The following KIF13B variants were observed in gnomAD, a reference collection of about 807,000 sequenced individuals.
KIF13B encodes the protein kinesin family member 13B.
In KIF13B, 127 loss-of-function variants were observed where a neutral mutation model predicts 222.0. The ratio of observed to expected loss-of-function variants is 0.57; its 90% CI spans 0.50 to 0.66. The LOEUF is 0.66. Among genes scored for constraint, KIF13B ranks in the 30% least tolerant of loss-of-function variants. The pLI, the probability that KIF13B is intolerant of heterozygous loss-of-function variation, is 0.00. For synonymous variants in KIF13B, 976 were observed against 919.0 expected (o/e 1.06, Z -1.12); for missense variants, 2,173 against 2,379.0 (o/e 0.91, Z 1.80).
At chr8:29,236,508 A>G (rs1815514705) in intron 2 of KIF13B, among the ~76,000 whole-genome samples, 1 of 152,210 alleles carries the variant, frequency 6.6e-6, no homozygotes, top group South Asian at 2.1e-4. Flanking sequence ...AAACTTTTAC[A>G]TATTCGATGA....
At chr8:29,159,393 G>A (rs2130099447) in intron 13 of KIF13B, among the ~76,000 whole-genome samples, 1 of 152,150 alleles carries the variant, frequency 6.6e-6, no homozygotes, top group East Asian at 1.9e-4. Context: ...CAAGTGATCT[G>A]CCCGCCTCAG....
At chr8:29,198,468 C>G (rs1813538755) in intron 2 of KIF13B, among the ~76,000 whole-genome samples, 3 of 152,086 alleles carry the variant, frequency 2.0e-5, no homozygotes, top group Non-Finnish European at 4.4e-5. Context: ...ATTACAGGGG[C>G]ACACCACCAC....
At chr8:29,110,308 T>C (rs1809297287) in intron 32 of KIF13B, among the ~76,000 whole-genome samples, 1 of 152,196 alleles carries the variant, frequency 6.6e-6, no homozygotes. Context: ...TCAACAAAAC[T>C]GTTCTCTACT....
intron 4 of KIF13B, chr8:29,190,701 G>A (rs898521107): frequency 2.8e-6 from 1 of 356,876 alleles, no homozygotes; most frequent in Non-Finnish European, 5.2e-6. Context: ...GTGGGAAGGA[G>A]GGAGCGGTCT....
chr8:29,176,823 C>G (rs926308568), intron 9 of KIF13B, among the ~76,000 whole-genome samples: 1 of 151,790 alleles, frequency 6.6e-6, no homozygotes, highest in East Asian at 1.9e-4. Flanking sequence ...TCAGCCCCAT[C>G]AAGCACCTCA....
intron 3 of KIF13B, among the ~76,000 whole-genome samples, chr8:29,193,919 G>A (rs959815716): frequency 5.3e-5 from 8 of 151,634 alleles, no homozygotes; most frequent in African/African-American, 1.9e-4. Context: ...CCAGGTTCAC[G>A]CCATTCTCCT....
Position 29,070,888 on chromosome 8 carries a change from G to A in KIF13B, c.5219-122C>T. Reference sequence around the variant, plus strand: ...CACCCCCCCGCACAGGCCCTACACAGCCAGCACTCGGACACTGGCCATTGT... The same window carrying A: ...CACCCCCCCGCACAGGCCCTACACAACCAGCACTCGGACACTGGCCATTGT... On this transcript the variant is annotated intron_variant, in intron 39 of 39. Transcript: ENST00000524189. The surrounding 1 kb of genome is among the most constrained non-coding windows in gnomAD (Gnocchi z 4.1). 9.4e-7 allele frequency: 1 copy of A among 1,068,150 alleles called. No individual in the cohort carries two copies. The highest frequency in any genetic ancestry group is 2.6e-5 in the Admixed American group (1 of 38,794). 66.2% of individuals were successfully genotyped at this position (1,068,150 alleles called of 1,614,324 possible).
At position 29,081,583 on chromosome 8, in the gene KIF13B, C is replaced by T. The variant is rs997155712; in HGVS notation, c.4459-6240G>A. ...CACACCTGATTTCAAGGACTTTGTA[C>T]AGAAAGAAGGATGGGAATATCTCAA... is the stretch of plus-strand genomic sequence containing the variant. On this transcript the variant is annotated intron_variant, in intron 37 of 39. Coordinates refer to ENST00000524189, the MANE Select transcript of KIF13B (RefSeq NM_015254.4). Among the ~76,000 whole-genome samples the T allele has an allele frequency of 3.3e-5, 5 of 152,142 alleles. No homozygotes were observed. In the South Asian group the frequency reaches 8.3e-4, roughly 25 times the overall value.
At chr8:29,230,466 A>C (rs1245895732) in intron 2 of KIF13B, among the ~76,000 whole-genome samples, 2 of 152,222 alleles carry the variant, frequency 1.3e-5, no homozygotes, top group Non-Finnish European at 2.9e-5. Context: ...AGACAGGCCC[A>C]AAAAGGCCAG....
chr8:29,233,762 G>A (rs368882335), intron 2 of KIF13B, among the ~76,000 whole-genome samples: 1 of 152,206 alleles, frequency 6.6e-6, no homozygotes. Flanking sequence ...GCCAAGGTAG[G>A]AGGACTGCTT....
At chr8:29,127,341 A>G (rs1810158964) in intron 24 of KIF13B, 73 bp from the exon 25 acceptor site, 1 of 1,319,258 alleles carries the variant, frequency 7.6e-7, no homozygotes, top group East Asian at 2.3e-5. Flanking sequence ...AGAGACCCCT[A>G]CAGGCTGATG....
At chr8:29,218,781 A>G (rs1563799141) in intron 2 of KIF13B, 1 of 152,244 alleles carries the variant, frequency 6.6e-6, no homozygotes, top group Non-Finnish European at 1.5e-5. Flanking sequence ...GGGAAAGATA[A>G]TTTATTTCAA....
At chr8:29,241,103 T>C (rs1815758352) in intron 2 of KIF13B, among the ~76,000 whole-genome samples, 1 of 152,196 alleles carries the variant, frequency 6.6e-6, no homozygotes. Flanking sequence ...CAACAGACTA[T>C]TATTTCATCA....
At chr8:29,210,020 C>T (rs1271493072) in intron 2 of KIF13B, among the ~76,000 whole-genome samples, 4 of 151,582 alleles carry the variant, frequency 2.6e-5, no homozygotes, top group Non-Finnish European at 4.4e-5. Flanking sequence ...TGCATCACTG[C>T]ACTCCAGCTT....
At chr8:29,159,424 A>T (rs1011230071) in intron 13 of KIF13B, among the ~76,000 whole-genome samples, 1 of 152,226 alleles carries the variant, frequency 6.6e-6, no homozygotes, top group Non-Finnish European at 1.5e-5. Context: ...TGCTGGGATT[A>T]CAGGTGTGAG....
At chr8:29,253,930 GT>G (rs1239785749) in intron 1 of KIF13B, among the ~76,000 whole-genome samples, 1 of 151,064 alleles carries the variant, frequency 6.6e-6, no homozygotes, top group African/African-American at 2.4e-5. Context: ...TTGACTCCCA[GT>G]TTCGAAACTT....
chr8:29,080,457 C>T (rs999446244), intron 37 of KIF13B, among the ~76,000 whole-genome samples: 1 of 151,944 alleles, frequency 6.6e-6, no homozygotes, highest in Non-Finnish European at 1.5e-5. Context: ...TTCCGGGAGG[C>T]GGGCGGGGAG....
At chr8:29,140,781 C>A (rs745812340) in intron 19 of KIF13B, 164 bp from the exon 20 acceptor site, 4 of 623,576 alleles carry the variant, frequency 6.4e-6, no homozygotes, top group Non-Finnish European at 1.1e-5. Context: ...TAAAGCACAG[C>A]GCTGTATTAC....
In KIF13B at chr8:29,148,747, T is replaced by G. The variant is rs1247750926; in HGVS notation, c.1643A>C (p.Lys548Thr). Reference sequence around the variant, plus strand: ...CTCATCCTCTCGTTCTGCTTTCTTTTTCTTTTTAGGCAAATTGAGTCTTGG... The same window carrying G: ...CTCATCCTCTCGTTCTGCTTTCTTTGTCTTTTTAGGCAAATTGAGTCTTGG... ...HFFRLNLPKK[K>T]KKAEREDEDQ... Residue 548 changes from lysine to threonine, a missense_variant, in exon 16 of 40, where the codon AAA becomes ACA. Coordinates refer to ENST00000524189, the MANE Select transcript of KIF13B (RefSeq NM_015254.4). 1.3e-6 allele frequency: 2 copies of G among 1,598,780 alleles called. No homozygotes were observed. The highest frequency in any genetic ancestry group is 2.3e-5 in the South Asian group (2 of 87,320).
Sources: allele counts gnomAD v4.1 joint callset (sites outside exome capture counted in the v4.1 genomes callset), GRCh38; gene constraint gnomAD v4.1.1; non-coding constraint Gnocchi (gnomAD v3.1); transcripts MANE v1.5; gene names NCBI Gene and HGNC (gene_info 2026-07-23, HGNC 2026-07-21).